Variants in GIT2 observed in about 807,000 individuals in gnomAD.
GIT2 encodes the protein GIT ArfGAP 2.
A neutral mutation model predicts 100.3 loss-of-function variants in GIT2; 32 were observed. The observed-to-expected ratio is 0.32, with a 90% CI of 0.24 to 0.43. The LOEUF is 0.43. Ranked by LOEUF, GIT2 falls within the 20% of genes least tolerant of loss-of-function variation. GIT2 has a pLI of 1.00. For missense variants in GIT2, 737 were observed against 975.1 expected (o/e 0.76, Z 3.25); for synonymous variants, 353 against 364.1 (o/e 0.97, Z 0.35).
intron 13 of GIT2, among the ~76,000 whole-genome samples, chr12:109,952,088 G>A (rs1316876470): frequency 2.0e-5 from 3 of 152,174 alleles, no homozygotes. Context: ...CTGCGCAGGG[G>A]TGTCCCCTGC....
chr12:109,993,759 T>C (rs952355701), intron 1 of GIT2, among the ~76,000 whole-genome samples: 1 of 152,084 alleles, frequency 6.6e-6, no homozygotes, highest in African/African-American at 2.4e-5. Flanking sequence ...ACTTAAAACA[T>C]TGAACATTTC....
In GIT2 at chr12:109,930,178, A is replaced by C. The variant is rs532012359; in HGVS notation, c.*2800T>G. 3 of 152,694 alleles carry C rather than the reference A, an allele frequency of 2.0e-5. No homozygotes were observed. Among genetic ancestry groups the C allele is most frequent in the African/African-American group, 7.2e-5 (3 of 41,532 alleles). The allele number at this position is 152,694 out of a possible 1,614,324, so 9.5% of individuals were successfully genotyped here. A position where few individuals can be genotyped will look rare whatever the true frequency, so the allele number is the denominator to read the frequency against. On this transcript the variant is annotated 3_prime_UTR_variant, in exon 20 of 20. Transcript: ENST00000355312. ...CTGATTACATGAAATGCTGTGTTTG[A>C]TCTTTGGGCCCAATTCACTGTTCTT...
At chr12:109,991,084 T>C (rs1265031610) in intron 2 of GIT2, among the ~76,000 whole-genome samples, 1 of 152,062 alleles carries the variant, frequency 6.6e-6, no homozygotes, top group East Asian at 1.9e-4. Context: ...GGTTGAGGTG[T>C]GGATCACTTG....
chr12:109,932,964 G>A lies in GIT2; in HGVS notation c.*14C>T, dbSNP rs1444444665. On this transcript the variant is annotated 3_prime_UTR_variant, in exon 20 of 20. Transcript: ENST00000355312. ...TAAAGCCTAGAAAACAGAGGAGGCG[G>A]TGCCCTGCCCTTGTCAGTTGTTGTT... The A allele has an allele frequency of 2.7e-6, 4 of 1,499,354 alleles. No homozygotes were observed. Among genetic ancestry groups the A allele is most frequent in the Non-Finnish European group, 3.7e-6 (4 of 1,076,514 alleles). 92.9% of individuals were successfully genotyped at this position (1,499,354 alleles called of 1,614,324 possible).
At chr12:109,972,664 T>TG (rs113111617) in intron 7 of GIT2, among the ~76,000 whole-genome samples, 3,478 of 152,214 alleles carry the variant, frequency 0.023, 126 homozygotes, top group African/African-American at 0.079. Context: ...GGTTTCACCA[T>TG]GTTGGCCAGG....
chr12:109,956,702 G>A (rs998107504), intron 12 of GIT2, among the ~76,000 whole-genome samples: 2 of 152,060 alleles, frequency 1.3e-5, no homozygotes, highest in Admixed American at 6.6e-5. Flanking sequence ...CAAAACTGGG[G>A]TTATACAAAA....
intron 8 of GIT2, among the ~76,000 whole-genome samples, chr12:109,966,804 C>G (rs1336122512): frequency 6.6e-6 from 1 of 152,196 alleles, no homozygotes; most frequent in Non-Finnish European, 1.5e-5. Context: ...AAGGATCATT[C>G]CTGTAGCAAT....
intron 13 of GIT2, chr12:109,952,647 T>C: frequency 1.9e-6 from 1 of 519,700 alleles, no homozygotes; most frequent in Non-Finnish European, 3.8e-6. Context: ...TTGAGGCGCA[T>C]CTTAAGAGCT....
In GIT2 at chr12:109,948,852, A is replaced by G. The variant is rs775507821; in HGVS notation, c.1393-1348T>C. The G allele has an allele frequency of 3.3e-5, 53 of 1,587,170 alleles. No individual in the cohort carries two copies. The Admixed American group carries it at 5.4e-4, about 16-fold the overall frequency. ...TTAGCATCTTTTCCAAGCAACTGTT[A>G]AATGTGAAAGATCAGATACAAATCA... On this transcript the variant is annotated intron_variant, in intron 14 of 19. Transcript: ENST00000355312. This position sits in a 1 kb window ranked among gnomAD's most constrained non-coding sequence, Gnocchi z 4.3.
intron 13 of GIT2, among the ~76,000 whole-genome samples, chr12:109,951,839 C>T (rs1047456192): frequency 1.3e-5 from 2 of 151,998 alleles, no homozygotes; most frequent in African/African-American, 2.4e-5. Flanking sequence ...GCATGTTAAG[C>T]GGGGAGCTGG....
chr12:109,935,192 A>G (rs1411476149), intron 18 of GIT2, among the ~76,000 whole-genome samples: 5 of 152,228 alleles, frequency 3.3e-5, no homozygotes, highest in African/African-American at 9.6e-5. Flanking sequence ...TTTGTGAGCA[A>G]TTAGAATCAC....
chr12:109,954,056 C>T (rs904686159), intron 12 of GIT2: 10 of 152,270 alleles, frequency 6.6e-5, no homozygotes, highest in African/African-American at 2.2e-4. Flanking sequence ...CGCCTGTAAT[C>T]CCAGCACTTT....
chr12:109,991,582 C>G (rs1375253478), intron 2 of GIT2, 45 bp downstream of exon 2: 2 of 1,534,750 alleles, frequency 1.3e-6, no homozygotes, highest in Admixed American at 3.5e-5. Flanking sequence ...ATGATGAGCC[C>G]TAAAATGTAA....
Position 109,983,388 on chromosome 12 carries a change from G to A in GIT2, c.608C>T (p.Pro203Leu), listed in dbSNP as rs1239061632. 1.2e-6 allele frequency: 2 copies of A among 1,613,458 alleles called. No homozygotes were observed. Among genetic ancestry groups the A allele is most frequent in the African/African-American group, 1.3e-5 (1 of 74,898 alleles). The stretch of plus-strand genomic sequence containing the variant: ...GGTCTCTTACCTTGCATAATCAACG[G>A]GAGTTTTCCCACTAGAATCCTGTGT... ...PGTQDSSGKT[P>L]VDYARQGGHH... The change falls in exon 6 of 20, where the codon CCC (proline) becomes CTC (leucine). Residue 203 changes from proline (P) to leucine (L), a missense_variant. By Grantham distance (98) the Pro-to-Leu change is moderately conservative. This residue lies in a region of GIT2 where 266 missense variants were observed against 376.2 expected (regional missense o/e 0.71). Coordinates refer to ENST00000355312, the MANE Select transcript of GIT2 (RefSeq NM_057169.5).
At chr12:109,968,339 T>C (rs1199786749) in intron 7 of GIT2, among the ~76,000 whole-genome samples, 1 of 150,732 alleles carries the variant, frequency 6.6e-6, no homozygotes, top group African/African-American at 2.4e-5. Context: ...TTCATGTGAT[T>C]TTTTTTTTTG....
chr12:109,950,987 A>T, intron 14 of GIT2, 180 bp downstream of exon 14: 1 of 657,702 alleles, frequency 1.5e-6, no homozygotes, highest in East Asian at 2.5e-5. Flanking sequence ...CTTACTCTGG[A>T]TATATTTCAT....
At chr12:109,964,356 TTAATG>T (rs1045751429) in intron 9 of GIT2, among the ~76,000 whole-genome samples, 3 of 152,082 alleles carry the variant, frequency 2.0e-5, no homozygotes, top group Non-Finnish European at 4.4e-5. Context: ...ATAAATTCAT[TTAATG>T]TAATATTTAA....
At chr12:109,994,699 T>C (rs1451254894) in intron 1 of GIT2, among the ~76,000 whole-genome samples, 1 of 152,186 alleles carries the variant, frequency 6.6e-6, no homozygotes. Context: ...ACAATTTTGC[T>C]TTGCCCTGTA....
At chr12:109,988,928 C>G in intron 4 of GIT2, 35 bp downstream of exon 4, 1 of 1,164,892 alleles carries the variant, frequency 8.6e-7, no homozygotes, top group Non-Finnish European at 1.3e-6. Context: ...CTGTCTCAGC[C>G]CGCTCTTTTA....
Sources: gnomAD v4.1 joint callset for allele counts (sites outside exome capture counted in the v4.1 genomes callset) on GRCh38, gnomAD v4.1.1 for gene constraint, gnomAD v4.1.1 regional missense constraint, Gnocchi (gnomAD v3.1) non-coding constraint, MANE v1.5 for transcripts, NCBI Gene and HGNC (gene_info 2026-07-23, HGNC 2026-07-21) for gene names.